Variants in ST18 observed in about 807,000 individuals in gnomAD.
ST18 encodes ST18 C2H2C-type zinc finger transcription factor.
Under a neutral mutation model 110.0 loss-of-function variants are expected in ST18, and 50 were observed. The observed-to-expected ratio is 0.45, with a 90% CI of 0.36 to 0.58. The LOEUF (loss-of-function observed/expected upper bound fraction) is 0.58, where lower values mean the gene tolerates loss of function less well. Among genes scored for constraint, ST18 ranks in the 20% least tolerant of loss-of-function variants. ST18 has a pLI of 0.00. For synonymous variants in ST18, 461 were observed against 452.4 expected (o/e 1.02, Z -0.24); for missense variants, 1,306 against 1,280.1 (o/e 1.02, Z -0.31).
At chr8:52,143,977 T>A (rs944961741) in intron 16 of ST18, among the ~76,000 whole-genome samples, 4 of 152,228 alleles carry the variant, frequency 2.6e-5, no homozygotes, top group African/African-American at 9.6e-5. Context: ...TTACTTCTTT[T>A]GCTAAATGGG....
chr8:52,378,920 C>G (rs1411394916), intron 2 of ST18, among the ~76,000 whole-genome samples: 1 of 151,992 alleles, frequency 6.6e-6, no homozygotes, highest in African/African-American at 2.4e-5. Context: ...GAGTAAGAAC[C>G]ACAGTCATTA....
chr8:52,122,909 A>G (rs4592056), intron 23 of ST18, among the ~76,000 whole-genome samples: 8,655 of 152,100 alleles, frequency 0.057, 744 homozygotes, highest in African/African-American at 0.18. Context: ...GTTAATATCT[A>G]GAAATAAATT....
At chr8:52,268,010 G>T (rs1171137479) in intron 2 of ST18, among the ~76,000 whole-genome samples, 1 of 152,192 alleles carries the variant, frequency 6.6e-6, no homozygotes, top group African/African-American at 2.4e-5. Flanking sequence ...AAATATGAAC[G>T]TGGTGACTTA....
intron 5 of ST18, among the ~76,000 whole-genome samples, chr8:52,220,302 T>C (rs1450366446): frequency 6.6e-6 from 1 of 152,230 alleles, no homozygotes; most frequent in Non-Finnish European, 1.5e-5. Flanking sequence ...AATCCAATTA[T>C]TACTTTTTAG....
At chr8:52,338,346 C>A (rs1813177392) in intron 2 of ST18, among the ~76,000 whole-genome samples, 1 of 151,922 alleles carries the variant, frequency 6.6e-6, no homozygotes, top group Non-Finnish European at 1.5e-5. Context: ...GCATGAGCCA[C>A]CGTGCCCGGC....
At chr8:52,357,509 TGAAA>T (rs1266092472) in intron 2 of ST18, among the ~76,000 whole-genome samples, 1 of 150,116 alleles carries the variant, frequency 6.7e-6, no homozygotes, top group Non-Finnish European at 1.5e-5. Context: ...AAATAGTAAC[TGAAA>T]GAGAGATGAT....
chr8:52,186,740 C>T (rs1469268227), intron 8 of ST18, among the ~76,000 whole-genome samples: 1 of 152,166 alleles, frequency 6.6e-6, no homozygotes, highest in Non-Finnish European at 1.5e-5. Context: ...GCAATTGTTG[C>T]TACAAATAAC....
At chr8:52,374,874 T>C (rs1047100983) in intron 2 of ST18, among the ~76,000 whole-genome samples, 3 of 152,228 alleles carry the variant, frequency 2.0e-5, no homozygotes, top group African/African-American at 7.2e-5. Flanking sequence ...CATTCCTTTT[T>C]ATGGCTGCAT....
At chr8:52,254,404 C>T (rs1350003771) in intron 2 of ST18, 4 of 152,154 alleles carry the variant, frequency 2.6e-5, no homozygotes, top group Non-Finnish European at 5.9e-5. Context: ...CCCCTCCTTA[C>T]GTCACACCTC....
intron 3 of ST18, among the ~76,000 whole-genome samples, chr8:52,225,401 A>C (rs1445896980): frequency 2.6e-5 from 4 of 152,238 alleles, no homozygotes. Context: ...ACAATCTGCC[A>C]TGCTTATTTC....
chr8:52,206,084 G>A lies in ST18; in HGVS notation c.86+5995C>T, dbSNP rs1049380893. ...GAGGTGCGGGGTCTGGACTGGAGAC[G>A]GGACCTGAGTCCTGTCTCTGATTCA... On this transcript the variant is annotated intron_variant, in intron 8 of 25. Coordinates refer to ENST00000689386, the MANE Select transcript of ST18 (RefSeq NM_001352837.2). 2.8e-4 allele frequency among the ~76,000 whole-genome samples: 42 copies of A among 152,268 alleles called. 1 individual carries two copies. Among genetic ancestry groups the A allele is most frequent in the Admixed American group, 7.8e-4 (12 of 15,298 alleles).
chr8:52,363,620 A>G (rs1826650809), intron 2 of ST18, among the ~76,000 whole-genome samples: 1 of 152,218 alleles, frequency 6.6e-6, no homozygotes, highest in African/African-American at 2.4e-5. Flanking sequence ...TCATTCATGC[A>G]TTCAACATAT....
chr8:52,313,776 G>C (rs2095968582), intron 2 of ST18, among the ~76,000 whole-genome samples: 1 of 152,114 alleles, frequency 6.6e-6, no homozygotes, highest in East Asian at 1.9e-4. Context: ...AATTTAGAAG[G>C]GATCGTTGCT....
intron 2 of ST18, among the ~76,000 whole-genome samples, chr8:52,358,724 A>T (rs1824298200): frequency 6.6e-6 from 1 of 151,950 alleles, no homozygotes; most frequent in African/African-American, 2.4e-5. Flanking sequence ...AAACCATACA[A>T]CTACCACTAA....
rs187735234 is a variant in ST18, at chr8:52,160,096, G to A, written c.1595-987C>T. Among the ~76,000 whole-genome samples the A allele has an allele frequency of 4.1e-3, 623 of 152,102 alleles. 1 individual carries two copies. The highest frequency in any genetic ancestry group is 7.1e-3 in the Non-Finnish European group (481 of 67,986). On this transcript the variant is annotated intron_variant, in intron 14 of 25. Coordinates refer to ENST00000689386, the MANE Select transcript of ST18 (RefSeq NM_001352837.2). ...TTTGCACTTTTAAAAATCAATGTCC[G>A]TACTATATGAGTACATTGAATGCTC...
chr8:52,354,317 T>C (rs1056241572), intron 2 of ST18, among the ~76,000 whole-genome samples: 4 of 152,192 alleles, frequency 2.6e-5, no homozygotes, highest in African/African-American at 9.7e-5. Context: ...AGATGAGCCA[T>C]GATGGTTGCC....
chr8:52,329,168 C>T (rs1807920029), intron 2 of ST18, among the ~76,000 whole-genome samples: 1 of 150,398 alleles, frequency 6.6e-6, no homozygotes, highest in African/African-American at 2.5e-5. Context: ...TGTGTTTCTG[C>T]ATCTGTTTTT....
intron 11 of ST18, among the ~76,000 whole-genome samples, chr8:52,165,633 T>C (rs2062729718): frequency 6.6e-6 from 1 of 152,226 alleles, no homozygotes; most frequent in African/African-American, 2.4e-5. Flanking sequence ...TTCTAAGTGA[T>C]ATCATTTTGA....
At chr8:52,349,304 C>A (rs891428482) in intron 2 of ST18, among the ~76,000 whole-genome samples, 9 of 152,276 alleles carry the variant, frequency 5.9e-5, no homozygotes, top group Non-Finnish European at 1.2e-4. Flanking sequence ...GAACTGCCAA[C>A]CTTCTAACCT....
Sources: gnomAD v4.1 joint callset for allele counts (sites outside exome capture counted in the v4.1 genomes callset) on GRCh38, gnomAD v4.1.1 for gene constraint, MANE v1.5 for transcripts, NCBI Gene and HGNC (gene_info 2026-07-23, HGNC 2026-07-21) for gene names.